The following CCDC192 variants were observed in gnomAD, a reference collection of about 807,000 sequenced individuals.
CCDC192 encodes the protein coiled-coil domain-containing protein 192.
chr5:127,921,720 G>A (rs373871688), intron 6 of CCDC192, among the ~76,000 whole-genome samples: 1 of 152,100 alleles, frequency 6.6e-6, no homozygotes, highest in African/African-American at 2.4e-5. Flanking sequence ...TACTGTAGTG[G>A]CCATCCATGT....
At chr5:127,829,214 T>C (rs1256562273) in intron 5 of CCDC192, among the ~76,000 whole-genome samples, 1 of 152,158 alleles carries the variant, frequency 6.6e-6, no homozygotes, top group Non-Finnish European at 1.5e-5. Context: ...TTGAACACAC[T>C]GCCTTTTGGA....
At chr5:127,809,018 T>C (rs976663859) in intron 5 of CCDC192, among the ~76,000 whole-genome samples, 2 of 152,214 alleles carry the variant, frequency 1.3e-5, no homozygotes, top group Admixed American at 6.6e-5. Context: ...TTTGTAATTT[T>C]ATCTTATTTT....
At chr5:127,848,914 G>T (rs1348935286) in intron 5 of CCDC192, among the ~76,000 whole-genome samples, 2 of 152,132 alleles carry the variant, frequency 1.3e-5, no homozygotes, top group African/African-American at 4.8e-5. Context: ...AGAAAGAAAG[G>T]CTTCTGTGTA....
intron 6 of CCDC192, among the ~76,000 whole-genome samples, chr5:127,938,199 A>G (rs1048583135): frequency 1.3e-5 from 2 of 152,210 alleles, no homozygotes; most frequent in Non-Finnish European, 2.9e-5. Flanking sequence ...AGTCACGGAT[A>G]CAAAAGCCTG....
chr5:127,934,144 A>T (rs569501372), intron 6 of CCDC192, among the ~76,000 whole-genome samples: 5 of 151,984 alleles, frequency 3.3e-5, no homozygotes, highest in Non-Finnish European at 7.4e-5. Context: ...ACCCCATGTC[A>T]TTCAGGCTGC....
intron 2 of CCDC192, among the ~76,000 whole-genome samples, chr5:127,729,443 A>G (rs1188701559): frequency 6.6e-6 from 1 of 152,230 alleles, no homozygotes; most frequent in African/African-American, 2.4e-5. Context: ...TGTCAATATT[A>G]GACAGATCAC....
At chr5:127,805,197 A>G (rs1757715564) in intron 5 of CCDC192, among the ~76,000 whole-genome samples, 1 of 152,250 alleles carries the variant, frequency 6.6e-6, no homozygotes, top group African/African-American at 2.4e-5. Flanking sequence ...AGAGTCACAT[A>G]ACAATATACA....
chr5:127,898,692 C>T (rs1752961128), intron 6 of CCDC192, among the ~76,000 whole-genome samples: 1 of 152,012 alleles, frequency 6.6e-6, no homozygotes, highest in Non-Finnish European at 1.5e-5. Flanking sequence ...AGCAGCCTTC[C>T]AGGGAGCCCG....
At chr5:127,933,399 C>G (rs1208737394) in intron 6 of CCDC192, among the ~76,000 whole-genome samples, 1 of 152,146 alleles carries the variant, frequency 6.6e-6, no homozygotes, top group African/African-American at 2.4e-5. Context: ...GGAATTACCA[C>G]TTAAATAAAT....
chr5:127,931,463 T>C (rs545394750), intron 6 of CCDC192, among the ~76,000 whole-genome samples: 1 of 152,318 alleles, frequency 6.6e-6, no homozygotes, highest in South Asian at 2.1e-4. Context: ...CAAAGCTTTG[T>C]CAAGTAGCCA....
chr5:127,706,379 T>C (rs934010714), intron 1 of CCDC192, among the ~76,000 whole-genome samples: 5 of 151,754 alleles, frequency 3.3e-5, no homozygotes, highest in Non-Finnish European at 7.4e-5. Context: ...ATACAAAAAT[T>C]AGCTAGGCAT....
Position 127,772,321 on chromosome 5 carries a change from G to A in CCDC192, c.222+17946G>A, listed in dbSNP as rs571211808. Among the ~76,000 whole-genome samples, 10 of 152,098 alleles carry A rather than the reference G, an allele frequency of 6.6e-5. No homozygotes were observed. In the South Asian group the frequency reaches 1.0e-3, roughly 16 times the overall value. ...ACTAAAAATACAGCATTAGCCAGGC[G>A]TGGTGGCGTGCACTGTAATCCCAGC... On this transcript the variant is annotated intron_variant, in intron 3 of 6. Transcript: ENST00000514853.
Position 127,875,655 on chromosome 5 carries a change from C to A in CCDC192, c.529C>A (p.Pro177Thr). ...IKTLYEGKPA[P>T]REDSLLEGFC... ...GACTCTATATGAAGGAAAGCCAGCC[C>A]CTAGAGGTCAGTATTACCACGTGAC... Residue 177 changes from proline (P) to threonine (T), a missense_variant, in exon 6 of 7, where the codon CCT becomes ACT. By Grantham distance (38) the Pro-to-Thr change is conservative. Coordinates refer to ENST00000514853, the MANE Select transcript of CCDC192 (RefSeq NM_001317938.2). 2.5e-6 allele frequency: 1 copy of A among 398,750 alleles called. No individual in the cohort carries two copies. 24.7% of individuals were successfully genotyped at this position (398,750 alleles called of 1,614,324 possible). A position where few individuals can be genotyped will look rare whatever the true frequency, so the allele number is the denominator to read the frequency against.
At chr5:127,865,863 T>A (rs770548772) in intron 5 of CCDC192, among the ~76,000 whole-genome samples, 2 of 152,054 alleles carry the variant, frequency 1.3e-5, no homozygotes, top group Non-Finnish European at 2.9e-5. Flanking sequence ...GCAGATCAAC[T>A]CCTTTCTTTG....
At chr5:127,748,986 T>A (rs1299274012) in intron 2 of CCDC192, among the ~76,000 whole-genome samples, 1 of 152,224 alleles carries the variant, frequency 6.6e-6, no homozygotes, top group African/African-American at 2.4e-5. Context: ...TGAAGTTGCT[T>A]ATCAGCTTAA....
At chr5:127,935,865 G>A (rs1754172297) in intron 6 of CCDC192, among the ~76,000 whole-genome samples, 1 of 152,172 alleles carries the variant, frequency 6.6e-6, no homozygotes, top group African/African-American at 2.4e-5. Context: ...AGCACTTTGG[G>A]AGGCCGAGGC....
intron 6 of CCDC192, among the ~76,000 whole-genome samples, chr5:127,908,491 T>C (rs1561547608): frequency 6.6e-6 from 1 of 152,142 alleles, no homozygotes; most frequent in Non-Finnish European, 1.5e-5. Context: ...AATAAAAACC[T>C]CAAACAAATT....
At chr5:127,888,153 C>T (rs1329529699) in intron 6 of CCDC192, among the ~76,000 whole-genome samples, 2 of 151,788 alleles carry the variant, frequency 1.3e-5, no homozygotes, top group African/African-American at 2.4e-5. Flanking sequence ...CAGTGGCTCC[C>T]GCCTGTAATC....
Position 127,923,806 on chromosome 5 carries a change from T to G in CCDC192, c.536-17376T>G, listed in dbSNP as rs1476683145. 7.9e-5 allele frequency among the ~76,000 whole-genome samples: 12 copies of G among 152,214 alleles called. 1 individual carries two copies. The highest frequency in any genetic ancestry group is 7.9e-4 in the Admixed American group (12 of 15,284). On this transcript the variant is annotated intron_variant, in intron 6 of 6. Transcript: ENST00000514853. The stretch of plus-strand genomic sequence containing the variant: ...TCTGTTGCAAGCATCACGGAAGCTT[T>G]CCTAACTTTTAAAAAGATGAGACAA...
Sources: allele counts gnomAD v4.1 joint callset (sites outside exome capture counted in the v4.1 genomes callset), GRCh38; gene constraint gnomAD v4.1.1; transcripts MANE v1.5; gene names NCBI Gene and HGNC (gene_info 2026-07-23, HGNC 2026-07-21).